Variants in EXOC6B observed in about 807,000 individuals in gnomAD.
EXOC6B encodes SEC15 homolog B.
In EXOC6B, 54 loss-of-function variants were observed where a neutral mutation model predicts 113.5. The observed-to-expected ratio is 0.48, with a 90% CI of 0.38 to 0.60. The LOEUF is 0.60. Among genes scored for constraint, EXOC6B ranks in the 20% least tolerant of loss-of-function variants. The probability of loss-of-function intolerance (pLI) is 0.00; values close to 1 mark genes in which losing one functional copy is unlikely to be tolerated. For missense variants in EXOC6B, 797 were observed against 977.5 expected, an observed-to-expected ratio of 0.82 and a Z score of 2.46; for synonymous variants, 357 against 339.0, an observed-to-expected ratio of 1.05 and a Z score of -0.58.
chr2:72,697,083 ATG>A (rs1408422207), intron 6 of EXOC6B, among the ~76,000 whole-genome samples: 1 of 147,768 alleles, frequency 6.8e-6, no homozygotes, highest in Non-Finnish European at 1.5e-5. Flanking sequence ...AGAGTAGTAC[ATG>A]TGTGTATGAT....
chr2:72,733,051 A>G lies in EXOC6B; in HGVS notation c.327+20T>C. 1 of 1,555,526 alleles carries G rather than the reference A, an allele frequency of 6.4e-7. No individual in the cohort carries two copies. Among genetic ancestry groups the G allele is most frequent in the Admixed American group, 1.8e-5 (1 of 55,226 alleles). On this transcript the variant is annotated intron_variant, in intron 3 of 21. Transcript: ENST00000272427. Reference sequence around the variant, plus strand: ...GGCATGAAACAGAAAAGATTTCTTCAAAAGGTAAACTGGTCTTACTTCCTT... The same window carrying G: ...GGCATGAAACAGAAAAGATTTCTTCGAAAGGTAAACTGGTCTTACTTCCTT...
At chr2:72,652,794 A>G (rs1407126280) in intron 6 of EXOC6B, among the ~76,000 whole-genome samples, 2 of 148,018 alleles carry the variant, frequency 1.4e-5, no homozygotes, top group East Asian at 1.9e-4. Flanking sequence ...ATATAATTAT[A>G]TAAGATAATA....
intron 1 of EXOC6B, among the ~76,000 whole-genome samples, chr2:72,763,454 G>A (rs1339084933): frequency 1.3e-5 from 2 of 150,204 alleles, no homozygotes; most frequent in African/African-American, 2.4e-5. Flanking sequence ...TTTTGACAGG[G>A]TCTTACTCTG....
chr2:72,466,731 TG>T (rs1698080934), intron 17 of EXOC6B, among the ~76,000 whole-genome samples: 1 of 152,178 alleles, frequency 6.6e-6, no homozygotes, highest in African/African-American at 2.4e-5. Flanking sequence ...TACACTGAAA[TG>T]GCTAAATTGA....
chr2:72,399,308 C>A (rs182108558), intron 18 of EXOC6B, among the ~76,000 whole-genome samples: 110 of 152,220 alleles, frequency 7.2e-4, no homozygotes, highest in Middle Eastern at 6.8e-3. Context: ...TCATACTGAA[C>A]AGGGAAATGT....
chr2:72,322,103 A>G (rs904174015), intron 20 of EXOC6B, among the ~76,000 whole-genome samples: 1 of 152,200 alleles, frequency 6.6e-6, no homozygotes, highest in Non-Finnish European at 1.5e-5. Context: ...ATATATGTTC[A>G]TACAAACAGT....
At chr2:72,639,488 C>T (rs1036886811) in intron 6 of EXOC6B, among the ~76,000 whole-genome samples, 3 of 152,210 alleles carry the variant, frequency 2.0e-5, no homozygotes, top group South Asian at 2.1e-4. Context: ...GAGGCAGACA[C>T]CCTGGCACCC....
rs1677929345 is a variant in EXOC6B, at chr2:72,179,225, A to G, written c.*110T>C. On this transcript the variant is annotated 3_prime_UTR_variant, in exon 22 of 22. Transcript: ENST00000272427. ...ACTGCACAGGGGTTAATAAAAAAAT[A>G]CATATGCTCTCTTTGAAGAAGAATG... The G allele has an allele frequency of 7.9e-7, 1 of 1,270,948 alleles. No individual in the cohort carries two copies. The highest frequency in any genetic ancestry group is 2.8e-4 in the Middle Eastern group (1 of 3,574). 78.7% of individuals were successfully genotyped at this position (1,270,948 alleles called of 1,614,324 possible).
intron 20 of EXOC6B, among the ~76,000 whole-genome samples, chr2:72,292,272 A>C (rs1685845554): frequency 6.6e-6 from 1 of 151,576 alleles, no homozygotes; most frequent in East Asian, 2.0e-4. Context: ...CTACTGGTCT[A>C]TATCAATCCA....
In EXOC6B at chr2:72,825,924, C is replaced by T. The variant is rs1204783467; in HGVS notation, c.-14G>A. ...ACCCCGCTCCATAGACTGGGGGCGC[C>T]CCGCAGCGCGTCCCCTCCGTCGGCT... On this transcript the variant is annotated 5_prime_UTR_variant, in exon 1 of 22. Transcript: ENST00000272427. This position sits in a 1 kb window ranked among gnomAD's most constrained non-coding sequence, Gnocchi z 4.4. The T allele has an allele frequency of 6.2e-7, 1 of 1,610,978 alleles. No homozygotes were observed. The highest frequency in any genetic ancestry group is 8.5e-7 in the Non-Finnish European group (1 of 1,179,244).
chr2:72,671,303 A>T (rs773085605), intron 6 of EXOC6B, among the ~76,000 whole-genome samples: 2 of 152,212 alleles, frequency 1.3e-5, no homozygotes, highest in Non-Finnish European at 2.9e-5. Flanking sequence ...AAGGAGCTCA[A>T]ACAACTCAAT....
At chr2:72,489,916 T>G (rs1243921813) in intron 16 of EXOC6B, among the ~76,000 whole-genome samples, 4 of 152,054 alleles carry the variant, frequency 2.6e-5, no homozygotes, top group Non-Finnish European at 5.9e-5. Context: ...AAGAAGAGAC[T>G]GTGTAACCCC....
At chr2:72,657,572 T>TC (rs1162903340) in intron 6 of EXOC6B, among the ~76,000 whole-genome samples, 1 of 128,372 alleles carries the variant, frequency 7.8e-6, no homozygotes, top group Non-Finnish European at 1.6e-5. Flanking sequence ...CTTTTCTTTT[T>TC]TTTTTTTTTT....
At position 72,650,637 on chromosome 2, in the gene EXOC6B, A is replaced by C. The variant is rs367853321; in HGVS notation, c.669+67466T>G. Among the ~76,000 whole-genome samples, 22 of 152,050 alleles carry C rather than the reference A, an allele frequency of 1.4e-4. 2 individuals are homozygous for C. The highest frequency in any genetic ancestry group is 4.3e-4 in the African/African-American group (18 of 41,516). On this transcript the variant is annotated intron_variant, in intron 6 of 21. Coordinates refer to ENST00000272427, the MANE Select transcript of EXOC6B (RefSeq NM_015189.3). ...GAAAAAAAAAAGAAAAGAAAAGAGA[A>C]AAGAAAAAAGAAAAGAAAAGAGGTA...
At chr2:72,307,221 T>C (rs1194598924) in intron 20 of EXOC6B, among the ~76,000 whole-genome samples, 1 of 147,802 alleles carries the variant, frequency 6.8e-6, no homozygotes, top group Non-Finnish European at 1.5e-5. Flanking sequence ...AGTGGCGCAA[T>C]CTCGGCCTCC....
At chr2:72,507,617 AGC>A (rs1208516758) in intron 11 of EXOC6B, among the ~76,000 whole-genome samples, 2 of 152,122 alleles carry the variant, frequency 1.3e-5, no homozygotes, top group Non-Finnish European at 2.9e-5. Context: ...CATACCCTTT[AGC>A]TATCACCTCT....
chr2:72,573,445 G>T (rs1704635026), intron 7 of EXOC6B, among the ~76,000 whole-genome samples: 1 of 152,150 alleles, frequency 6.6e-6, no homozygotes, highest in Non-Finnish European at 1.5e-5. Context: ...CTCCAGGGTG[G>T]ATCCACATCT....
At chr2:72,397,482 T>C (rs1573026272) in intron 18 of EXOC6B, among the ~76,000 whole-genome samples, 1 of 151,660 alleles carries the variant, frequency 6.6e-6, no homozygotes, top group Admixed American at 6.6e-5. Flanking sequence ...TAGCCGGGCA[T>C]GGTGGCATGC....
intron 8 of EXOC6B, among the ~76,000 whole-genome samples, chr2:72,535,045 A>G (rs1702203770): frequency 1.3e-5 from 2 of 152,224 alleles, no homozygotes; most frequent in Admixed American, 1.3e-4. Flanking sequence ...TGTGTTTCCC[A>G]TTAACTAGAG....
Sources: allele counts gnomAD v4.1 joint callset (sites outside exome capture counted in the v4.1 genomes callset), GRCh38; gene constraint gnomAD v4.1.1; non-coding constraint Gnocchi (gnomAD v3.1); transcripts MANE v1.5; gene names NCBI Gene and HGNC (gene_info 2026-07-23, HGNC 2026-07-21).